ADAMTS9: variants seen among roughly 807,000 people sequenced by gnomAD.
ADAMTS9 encodes A disintegrin and metalloproteinase with thrombospondin motifs 9.
Under a neutral mutation model 257.1 loss-of-function variants are expected in ADAMTS9, and 107 were observed. That is an observed-to-expected ratio of 0.42 (90% CI 0.36 to 0.49). The LOEUF is 0.49. ADAMTS9 is among the 20% of genes least tolerant of loss of function. The probability of loss-of-function intolerance (pLI) is 0.03; values close to 1 mark genes in which losing one functional copy is unlikely to be tolerated. For synonymous variants in ADAMTS9, 982 were observed against 880.9 expected (o/e 1.11, Z -2.03); for missense variants, 2,353 against 2,469.1 (o/e 0.95, Z 1.00).
intron 28 of ADAMTS9, among the ~76,000 whole-genome samples, chr3:64,581,804 T>A (rs2084009373): frequency 6.6e-6 from 1 of 152,206 alleles, no homozygotes; most frequent in Admixed American, 6.5e-5. Flanking sequence ...TAATACATAT[T>A]TCTGTGGTCT....
chr3:64,517,416 G>GTTGT (rs2082789208), intron 39 of ADAMTS9, among the ~76,000 whole-genome samples: 2 of 52,636 alleles, frequency 3.8e-5, no homozygotes, highest in African/African-American at 1.1e-4. Context: ...ATTAAAAATG[G>GTTGT]TTTTTTTTTT....
chr3:64,576,425 C>A (rs2083848824), intron 28 of ADAMTS9, among the ~76,000 whole-genome samples: 1 of 152,170 alleles, frequency 6.6e-6, no homozygotes, highest in Non-Finnish European at 1.5e-5. Context: ...GCAATGAACT[C>A]ACTCAGGGGA....
At chr3:64,636,313 A>G (rs1029000866) in intron 12 of ADAMTS9, among the ~76,000 whole-genome samples, 1 of 152,198 alleles carries the variant, frequency 6.6e-6, no homozygotes, top group Non-Finnish European at 1.5e-5. Flanking sequence ...TGTATGTGAG[A>G]GGCAATACTC....
intron 30 of ADAMTS9, among the ~76,000 whole-genome samples, chr3:64,559,490 T>C (rs2083385720): frequency 6.6e-6 from 1 of 152,218 alleles, no homozygotes; most frequent in African/African-American, 2.4e-5. Flanking sequence ...GGGTGACTAT[T>C]AGACTCTGCT....
chr3:64,518,215 C>T lies in ADAMTS9; in HGVS notation c.*6-1094G>A, dbSNP rs150936966. Among the ~76,000 whole-genome samples the T allele has an allele frequency of 3.3e-5, 5 of 152,254 alleles. No individual in the cohort carries two copies. In the East Asian group the frequency reaches 9.7e-4, roughly 29 times the overall value. The stretch of plus-strand genomic sequence containing the variant: ...CTGATGACTGAACTTCTGGATCTAG[C>T]CATGCCTGAAGCTAGCATACTTCTT... On this transcript the variant is annotated intron_variant, in intron 39 of 39. Coordinates refer to ENST00000498707, the MANE Select transcript of ADAMTS9 (RefSeq NM_182920.2).
Position 64,633,739 on chromosome 3 carries a change from C to T in ADAMTS9, c.1997G>A (p.Gly666Asp), listed in dbSNP as rs756077691. Residue 666 changes from glycine to aspartate, a missense_variant, in exon 13 of 40, where the codon GGT (glycine) becomes GAT (aspartate). By Grantham distance (94) the Gly-to-Asp change is moderately conservative (BLOSUM62 -1). Transcript: ENST00000498707. ...GACCCAGCGCACATTGGGAAGCAGACCGTTGATGTTAAAATGCTTCCCGTC... is the reference window on the plus strand; with the variant it reads ...GACCCAGCGCACATTGGGAAGCAGATCGTTGATGTTAAAATGCTTCCCGTC... ...HFDGKHFNINGLLPNVRWVPK... is the reference protein window; with the variant it reads ...HFDGKHFNINDLLPNVRWVPK... The T allele has an allele frequency of 1.2e-6, 2 of 1,613,808 alleles. No individual in the cohort carries two copies. Among genetic ancestry groups the T allele is most frequent in the African/African-American group, 1.3e-5 (1 of 74,942 alleles).
At chr3:64,520,504 C>T (rs377715962) in intron 39 of ADAMTS9, among the ~76,000 whole-genome samples, 4 of 152,080 alleles carry the variant, frequency 2.6e-5, no homozygotes, top group African/African-American at 7.2e-5. Context: ...GCAAAAAGAA[C>T]GAAGCCAGAG....
At chr3:64,555,315 AGGTGCGGTGG>A (rs2083319405) in intron 30 of ADAMTS9, among the ~76,000 whole-genome samples, 1 of 152,174 alleles carries the variant, frequency 6.6e-6, no homozygotes, top group Admixed American at 6.5e-5. Flanking sequence ...ATTTGTTAGG[AGGTGCGGTGG>A]GGAGAAGGAG....
At chr3:64,554,934 T>G (rs537751769) in intron 30 of ADAMTS9, among the ~76,000 whole-genome samples, 1 of 152,364 alleles carries the variant, frequency 6.6e-6, no homozygotes, top group East Asian at 1.9e-4. Context: ...GGTAGAAATT[T>G]TCTTTGCTTA....
intron 39 of ADAMTS9, among the ~76,000 whole-genome samples, chr3:64,520,704 C>T (rs1161663596): frequency 1.3e-5 from 2 of 152,074 alleles, no homozygotes; most frequent in Admixed American, 6.6e-5. Context: ...GGGGAAAGCA[C>T]ACCCTATAAT....
At chr3:64,571,033 G>C (rs923824737) in intron 28 of ADAMTS9, among the ~76,000 whole-genome samples, 1 of 152,206 alleles carries the variant, frequency 6.6e-6, no homozygotes, top group Non-Finnish European at 1.5e-5. Flanking sequence ...TGTAGGGACA[G>C]TCACTTCAAT....
At position 64,655,823 on chromosome 3, in the gene ADAMTS9, A is replaced by G; in HGVS notation, c.1022T>C (p.Ile341Thr). 2 of 1,573,930 alleles carry G rather than the reference A, an allele frequency of 1.3e-6. No homozygotes were observed. The highest frequency in any genetic ancestry group is 1.7e-6 in the Non-Finnish European group (2 of 1,165,534). The change falls in exon 5 of 40, where the codon ATT becomes ACT. Residue 341 changes from isoleucine (I) to threonine (T), a missense_variant. By Grantham distance (89) the Ile-to-Thr change is moderately conservative. Transcript: ENST00000498707. Reference protein sequence around the residue: ...PSIGNLINIVIVNLIVIHNEQ... With the variant: ...PSIGNLINIVTVNLIVIHNEQ... ...ATTATGAATCACAATTAAGTTCACA[A>G]TAACAATATTAATTAAATTTCCAAT...
intron 4 of ADAMTS9, among the ~76,000 whole-genome samples, chr3:64,656,823 A>G (rs2106963482): frequency 6.6e-6 from 1 of 152,208 alleles, no homozygotes; most frequent in South Asian, 2.1e-4. Context: ...GCAGTGAACA[A>G]AAAGGCAAGG....
In ADAMTS9 at chr3:64,621,141, T is replaced by A; in HGVS notation, c.2786A>T (p.Glu929Val). ...CAGGTCACAGTCTGTACCACAGGGT[T>A]CAGTAATGTGTCCAGGCTGGGGCAG... ...DRLPQPGHIT[E>V]PCGTDCDLRW... Residue 929 changes from glutamate to valine, a missense_variant, in exon 19 of 40, where the codon GAA becomes GTA. This residue lies in a region of ADAMTS9 where 1,402 missense variants were observed against 1,441.4 expected (regional missense o/e 0.97). Coordinates refer to ENST00000498707, the MANE Select transcript of ADAMTS9 (RefSeq NM_182920.2). 4 of 1,613,830 alleles carry A rather than the reference T, an allele frequency of 2.5e-6. No homozygotes were observed.
chr3:64,616,298 A>C, intron 19 of ADAMTS9, 128 bp from the exon 20 acceptor site: 1 of 945,350 alleles, frequency 1.1e-6, no homozygotes, highest in Non-Finnish European at 1.6e-6. Flanking sequence ...TGAAGCCCAA[A>C]GCCACAGTCA....
chr3:64,537,234 A>G (rs559442382), intron 37 of ADAMTS9, among the ~76,000 whole-genome samples: 6 of 152,356 alleles, frequency 3.9e-5, no homozygotes, highest in African/African-American at 1.2e-4. Context: ...TAGCAAATCA[A>G]TCAGTTCATT....
At chr3:64,675,926 A>G (rs1328855899) in intron 3 of ADAMTS9, among the ~76,000 whole-genome samples, 2 of 152,182 alleles carry the variant, frequency 1.3e-5, no homozygotes, top group Non-Finnish European at 2.9e-5. Context: ...GATGGCTTTA[A>G]TTATCATCTT....
At chr3:64,523,444 C>T (rs1251341060) in intron 38 of ADAMTS9, among the ~76,000 whole-genome samples, 1 of 152,028 alleles carries the variant, frequency 6.6e-6, no homozygotes, top group East Asian at 1.9e-4. Context: ...GTTTATGGAA[C>T]AAGTACAGGT....
At chr3:64,521,885 A>T (rs7626267) in intron 39 of ADAMTS9, among the ~76,000 whole-genome samples, 2,261 of 152,282 alleles carry the variant, frequency 0.015, 45 homozygotes, top group African/African-American at 0.052. Flanking sequence ...ACACACTATA[A>T]CAGTGTAACA....
Sources: gnomAD v4.1 joint callset for allele counts (sites outside exome capture counted in the v4.1 genomes callset) on GRCh38, gnomAD v4.1.1 for gene constraint, gnomAD v4.1.1 regional missense constraint, MANE v1.5 for transcripts, NCBI Gene and HGNC (gene_info 2026-07-23, HGNC 2026-07-21) for gene names.